Variants in DMD observed in about 807,000 individuals in gnomAD.
DMD encodes the protein dystrophin.
DMD carries 63 observed loss-of-function variants against 330.1 expected under a neutral mutation model. The observed-to-expected ratio is 0.19, with a 90% CI of 0.16 to 0.24. DMD has a LOEUF of 0.24. Ranked by LOEUF, DMD falls within the 10% of genes least tolerant of loss-of-function variation. The probability of loss-of-function intolerance (pLI) is 1.00; values close to 1 mark genes in which losing one functional copy is unlikely to be tolerated. For missense variants in DMD, 3,344 were observed against 2,684.1 expected, an observed-to-expected ratio of 1.25 and a Z score of -5.43; for synonymous variants, 1,223 against 959.8, an observed-to-expected ratio of 1.27 and a Z score of -5.07.
chrX:31,294,259 C>G (rs908243167), intron 62 of DMD, among the ~76,000 whole-genome samples: 1 of 111,612 alleles, frequency 9.0e-6, no homozygotes, highest in Non-Finnish European at 1.9e-5. Context: ...CCTCAGTTTC[C>G]AAGTCTGTGG....
intron 9 of DMD, among the ~76,000 whole-genome samples, chrX:32,670,860 A>T (rs781055202): frequency 8.9e-6 from 1 of 111,900 alleles, no homozygotes; most frequent in South Asian, 3.8e-4. Flanking sequence ...CACTGTACTA[A>T]TTTGAACAGA....
chrX:32,102,510 G>T (rs1165970020), intron 44 of DMD, among the ~76,000 whole-genome samples: 1 of 110,457 alleles, frequency 9.1e-6, no homozygotes, highest in African/African-American at 3.3e-5. Flanking sequence ...TGAATAATTT[G>T]GTTGTATAAC....
chrX:31,804,559 A>G (rs2092221139), intron 50 of DMD, among the ~76,000 whole-genome samples: 2 of 111,753 alleles, frequency 1.8e-5, no homozygotes, highest in African/African-American at 6.5e-5. Context: ...GCTTTCAATT[A>G]CCCTTCAAAT....
chrX:32,872,971 A>G (rs1343120146), intron 2 of DMD, among the ~76,000 whole-genome samples: 1 of 111,917 alleles, frequency 8.9e-6, no homozygotes, highest in African/African-American at 3.2e-5. Context: ...TATTTAAACT[A>G]ATCTTAGTGG....
intron 60 of DMD, among the ~76,000 whole-genome samples, chrX:31,415,782 C>T (rs1375520651): frequency 9.0e-6 from 1 of 111,012 alleles, no homozygotes; most frequent in Admixed American, 9.7e-5. Flanking sequence ...ACTTTGTAAT[C>T]CTGGGGATTT....
At chrX:31,293,989 T>C (rs1193537434) in intron 62 of DMD, among the ~76,000 whole-genome samples, 2 of 111,338 alleles carry the variant, frequency 1.8e-5, no homozygotes, top group Non-Finnish European at 3.8e-5. Context: ...GACTACCCCC[T>C]GCTGCCATCT....
intron 52 of DMD, among the ~76,000 whole-genome samples, chrX:31,706,802 T>C (rs1284190696): frequency 8.9e-6 from 1 of 112,615 alleles, no homozygotes. Flanking sequence ...TGTGAAGCAG[T>C]AGAAATTACA....
At chrX:32,195,957 A>T (rs2096997835) in intron 44 of DMD, among the ~76,000 whole-genome samples, 1 of 111,894 alleles carries the variant, frequency 8.9e-6, no homozygotes, top group African/African-American at 3.2e-5. Context: ...GTCATTTGTT[A>T]CTATCTATCT....
intron 44 of DMD, among the ~76,000 whole-genome samples, chrX:32,072,186 G>T (rs2096305346): frequency 9.0e-6 from 1 of 111,107 alleles, no homozygotes; most frequent in Non-Finnish European, 1.9e-5. Context: ...GAGCGGTTGG[G>T]TGCTGATATA....
At chrX:31,351,003 C>T (rs1167628699) in intron 60 of DMD, among the ~76,000 whole-genome samples, 1 of 110,773 alleles carries the variant, frequency 9.0e-6, no homozygotes, top group Non-Finnish European at 1.9e-5. Context: ...TCATCAACTC[C>T]CCTGGTTCTC....
chrX:31,763,160 A>T (rs2089740529), intron 51 of DMD, among the ~76,000 whole-genome samples: 1 of 112,972 alleles, frequency 8.9e-6, no homozygotes, highest in African/African-American at 3.2e-5. Context: ...AAGTCAAATG[A>T]CAACATACAT....
intron 1 of DMD, among the ~76,000 whole-genome samples, chrX:33,216,782 G>A (rs1603420255): frequency 9.0e-6 from 1 of 110,595 alleles, no homozygotes; most frequent in African/African-American, 3.3e-5. Context: ...ATGAAGACTG[G>A]CCCATGATTA....
intron 12 of DMD, among the ~76,000 whole-genome samples, chrX:32,611,477 AATAAT>A (rs1415964925): frequency 9.0e-6 from 1 of 111,717 alleles, no homozygotes; most frequent in East Asian, 2.8e-4. Flanking sequence ...TCAAGTAATG[AATAAT>A]ATATTTAAAT....
chrX:31,569,650 G>A (rs755259429), intron 55 of DMD, among the ~76,000 whole-genome samples: 1 of 71,844 alleles, frequency 1.4e-5, no homozygotes, highest in Non-Finnish European at 2.9e-5. Flanking sequence ...ATGTATATAC[G>A]TATATATACG....
chrX:32,071,872 C>G (rs1405180720), intron 44 of DMD, among the ~76,000 whole-genome samples: 1 of 111,457 alleles, frequency 9.0e-6, no homozygotes, highest in African/African-American at 3.3e-5. Flanking sequence ...ATTTTCCATC[C>G]TCATTTTCTC....
intron 54 of DMD, among the ~76,000 whole-genome samples, chrX:31,629,046 A>G (rs1384136764): frequency 2.7e-5 from 3 of 109,876 alleles, no homozygotes; most frequent in Non-Finnish European, 5.7e-5. Context: ...TCCTATGGAA[A>G]AAGATTCAGG....
intron 44 of DMD, among the ~76,000 whole-genome samples, chrX:32,190,712 C>T (rs375464376): frequency 2.8e-5 from 3 of 107,304 alleles, no homozygotes; most frequent in Admixed American, 1.0e-4. Context: ...GCCCAACTGA[C>T]GAGTAGGTTA....
chrX:31,286,186 A>C (rs2053196246), intron 62 of DMD, among the ~76,000 whole-genome samples: 1 of 112,401 alleles, frequency 8.9e-6, no homozygotes, highest in African/African-American at 3.2e-5. Flanking sequence ...GTTGTCTTCT[A>C]GACCTAATAA....
At chrX:32,088,298 T>C (rs1192044820) in intron 44 of DMD, among the ~76,000 whole-genome samples, 1 of 110,969 alleles carries the variant, frequency 9.0e-6, no homozygotes, top group Non-Finnish European at 1.9e-5. Context: ...TCCCCCATTT[T>C]ACAGTTGACG....
Sources: gnomAD v4.1 joint callset for allele counts (sites outside exome capture counted in the v4.1 genomes callset) on GRCh38, gnomAD v4.1.1 for gene constraint, MANE v1.5 for transcripts, NCBI Gene and HGNC (gene_info 2026-07-23, HGNC 2026-07-21) for gene names.